Variants in TTBK2 observed in about 807,000 individuals in gnomAD.
The protein encoded by TTBK2 is tau-tubulin kinase 2.
TTBK2 carries 28 observed loss-of-function variants against 110.8 expected under a neutral mutation model. The ratio of observed to expected loss-of-function variants is 0.25; its 90% confidence interval spans 0.19 to 0.35. The LOEUF (loss-of-function observed/expected upper bound fraction) is 0.35. Ranked by LOEUF, TTBK2 falls within the 10% of genes least tolerant of loss-of-function variation. The pLI, the probability that TTBK2 is intolerant of heterozygous loss-of-function variation, is 1.00. For missense variants in TTBK2, 1,369 were observed against 1,500.3 expected, an observed-to-expected ratio of 0.91 and a Z score of 1.45; for synonymous variants, 532 against 527.3, an observed-to-expected ratio of 1.01 and a Z score of -0.12.
chr15:42,800,389 T>C, intron 9 of TTBK2: 1 of 366,582 alleles, frequency 2.7e-6, no homozygotes, highest in East Asian at 8.4e-5. Flanking sequence ...AGGGAAGCAC[T>C]CCTCTCATCC....
intron 9 of TTBK2, among the ~76,000 whole-genome samples, chr15:42,795,552 T>A (rs1334769673): frequency 6.6e-6 from 1 of 152,162 alleles, no homozygotes; most frequent in Non-Finnish European, 1.5e-5. Context: ...CCTCTGAGAT[T>A]CATCTTGTAC....
At chr15:42,785,030 G>A (rs1433511078) in intron 10 of TTBK2, among the ~76,000 whole-genome samples, 2 of 151,796 alleles carry the variant, frequency 1.3e-5, no homozygotes, top group Admixed American at 1.3e-4. Context: ...CTTTCGCAGT[G>A]CCATAATGAA....
rs60148398 is a variant in TTBK2, at chr15:42,864,745, T to A, written c.217+7866A>T. 2.5e-3 allele frequency among the ~76,000 whole-genome samples: 373 copies of A among 152,198 alleles called. 9 individuals are homozygous for A. In the East Asian group the frequency reaches 0.053, roughly 22 times the overall value. On this transcript the variant is annotated intron_variant, in intron 3 of 14. Coordinates refer to ENST00000267890, the MANE Select transcript of TTBK2 (RefSeq NM_173500.4). ...TTCTCTTACAAGACATGTTAAAAGT[T>A]CTTTGGAGAGAAGGAAAGTAATATA...
At chr15:42,812,014 T>C (rs917081526) in intron 7 of TTBK2, among the ~76,000 whole-genome samples, 2 of 152,058 alleles carry the variant, frequency 1.3e-5, no homozygotes, top group South Asian at 4.1e-4. Flanking sequence ...CTCCAAAACA[T>C]AGAAATGGTG....
intron 10 of TTBK2, among the ~76,000 whole-genome samples, chr15:42,789,936 G>A (rs1275694713): frequency 1.3e-5 from 2 of 150,534 alleles, no homozygotes; most frequent in African/African-American, 4.9e-5. Flanking sequence ...CCTGTATCTC[G>A]GCTATGGTAA....
chr15:42,850,174 A>C (rs7181448), intron 3 of TTBK2, among the ~76,000 whole-genome samples: 2,253 of 152,276 alleles, frequency 0.015, 57 homozygotes, highest in African/African-American at 0.05. Flanking sequence ...GGACTGTTTG[A>C]GGCCCGGGTA....
At chr15:42,902,105 A>C (rs957763223) in intron 1 of TTBK2, among the ~76,000 whole-genome samples, 5 of 151,770 alleles carry the variant, frequency 3.3e-5, no homozygotes, top group African/African-American at 1.2e-4. Context: ...AGTCCCAGCT[A>C]CTAGGGAGGC....
chr15:42,885,549 C>T (rs777046384), intron 1 of TTBK2, among the ~76,000 whole-genome samples: 3 of 152,212 alleles, frequency 2.0e-5, no homozygotes, highest in Admixed American at 6.5e-5. Flanking sequence ...ATTGCAGGGA[C>T]GCCTGCCTGA....
chr15:42,745,835 G>A lies in TTBK2; in HGVS notation c.3695C>T (p.Pro1232Leu), dbSNP rs768071683. ...ACTGGCTGGCTTACTCTTCCCTTGG[G>A]GGGTTTTAGTGCTGGCTGAGTGGTG... ...LHHHSASTKT[P>L]QGKSKPASKL... The change falls in exon 15 of 15, where the codon CCC (proline) becomes CTC (leucine). Residue 1232 changes from proline to leucine, a missense_variant. This residue lies in a region of TTBK2 where 1,097 missense variants were observed against 1,114.7 expected (regional missense o/e 0.98). Coordinates refer to ENST00000267890, the MANE Select transcript of TTBK2 (RefSeq NM_173500.4). 133 of 1,614,024 alleles carry A rather than the reference G, an allele frequency of 8.2e-5. No homozygotes were observed. The highest frequency in any genetic ancestry group is 1.1e-4 in the Non-Finnish European group (126 of 1,180,032).
chr15:42,840,487 A>G, intron 3 of TTBK2, 54 bp from the exon 4 acceptor site: 1 of 1,490,230 alleles, frequency 6.7e-7, no homozygotes, highest in East Asian at 2.3e-5. Flanking sequence ...TCTCTTAAAA[A>G]ATTAATAATT....
chr15:42,776,962 A>G (rs1280210222), intron 12 of TTBK2, 69 bp downstream of exon 12: 3 of 1,503,206 alleles, frequency 2.0e-6, no homozygotes, highest in African/African-American at 1.4e-5. Flanking sequence ...TACAATAATA[A>G]TAACAACAAT....
At chr15:42,823,915 T>G (rs1195877917) in intron 6 of TTBK2, among the ~76,000 whole-genome samples, 8 of 152,144 alleles carry the variant, frequency 5.3e-5, no homozygotes, top group African/African-American at 1.9e-4. Context: ...CAGTTCTGCA[T>G]GCAGGTTGTA....
intron 2 of TTBK2, among the ~76,000 whole-genome samples, chr15:42,876,881 A>G (rs1359242483): frequency 6.6e-6 from 1 of 152,296 alleles, no homozygotes; most frequent in South Asian, 2.1e-4. Flanking sequence ...CCCTTAGTCA[A>G]ATAAGACAAT....
chr15:42,876,647 T>C (rs1477313719), intron 2 of TTBK2, among the ~76,000 whole-genome samples: 1 of 152,208 alleles, frequency 6.6e-6, no homozygotes, highest in Non-Finnish European at 1.5e-5. Flanking sequence ...GTTCATAGAT[T>C]AAGGAAACCA....
At chr15:42,814,084 C>T (rs1431731121) in intron 7 of TTBK2, among the ~76,000 whole-genome samples, 3 of 152,000 alleles carry the variant, frequency 2.0e-5, no homozygotes, top group Middle Eastern at 3.4e-3. Context: ...TGCGATGGGG[C>T]ACTATCGGCT....
At chr15:42,816,127 T>A (rs1268365338) in intron 7 of TTBK2, among the ~76,000 whole-genome samples, 10 of 131,918 alleles carry the variant, frequency 7.6e-5, no homozygotes, top group African/African-American at 2.9e-4. Context: ...TATGTGTATA[T>A]TTTTTTTGAG....
chr15:42,777,266 C>A (rs950586698), intron 11 of TTBK2, 24 bp from the exon 12 acceptor site: 3 of 1,609,404 alleles, frequency 1.9e-6, no homozygotes, highest in Non-Finnish European at 2.5e-6. Context: ...AAAATAAAAT[C>A]ATGAAAAACA....
At chr15:42,778,391 C>T (rs752696436) in intron 11 of TTBK2, among the ~76,000 whole-genome samples, 6 of 151,852 alleles carry the variant, frequency 4.0e-5, no homozygotes, top group Non-Finnish European at 8.8e-5. Flanking sequence ...ATAGGCCGGG[C>T]GTGGTGGCTC....
chr15:42,830,123 T>C (rs373902449), intron 4 of TTBK2, 45 bp from the exon 5 acceptor site: 11 of 1,610,340 alleles, frequency 6.8e-6, no homozygotes, highest in African/African-American at 6.7e-5. Context: ...ACTAAAACTA[T>C]AGTATAAGAG....
Sources: allele counts gnomAD v4.1 joint callset (sites outside exome capture counted in the v4.1 genomes callset), GRCh38; gene constraint gnomAD v4.1.1; regional missense constraint gnomAD v4.1.1; transcripts MANE v1.5; gene names NCBI Gene and HGNC (gene_info 2026-07-23, HGNC 2026-07-21).